PNLDC1: variants seen among roughly 807,000 people sequenced by gnomAD.
PNLDC1 encodes the protein poly(A)-specific ribonuclease PNLDC1.
A neutral mutation model predicts 82.0 loss-of-function variants in PNLDC1; 70 were observed. The ratio of observed to expected loss-of-function variants is 0.85; its 90% CI spans 0.70 to 1.04. The LOEUF is 1.04. Among genes scored for constraint, PNLDC1 ranks in the 50% least tolerant of loss-of-function variants. PNLDC1 has a pLI of 0.00. For missense variants in PNLDC1, 631 were observed against 661.1 expected (o/e 0.95, Z 0.50); for synonymous variants, 280 against 249.3 (o/e 1.12, Z -1.16).
chr6:159,802,759 T>A (rs1031692743), intron 3 of PNLDC1, among the ~76,000 whole-genome samples: 2 of 152,104 alleles, frequency 1.3e-5, no homozygotes, highest in African/African-American at 4.8e-5. Context: ...ATTTTTGTAT[T>A]TTTAGTAGAG....
chr6:159,800,872 G>T, intron 2 of PNLDC1, 43 bp downstream of exon 2: 1 of 1,613,242 alleles, frequency 6.2e-7, no homozygotes, highest in Non-Finnish European at 8.5e-7. Flanking sequence ...AGCCTGGCCA[G>T]ACCAGCACTG....
At chr6:159,799,898 C>A (rs931846429), upstream of PNLDC1, among the ~76,000 whole-genome samples, 2 of 152,168 alleles carry the variant, frequency 1.3e-5, no homozygotes, top group Non-Finnish European at 2.9e-5. Flanking sequence ...CCGTGAGCCG[C>A]AGCAAAGGAT....
intron 3 of PNLDC1, among the ~76,000 whole-genome samples, chr6:159,802,150 C>T (rs545423794): frequency 2.0e-5 from 3 of 152,342 alleles, no homozygotes; most frequent in Admixed American, 2.0e-4. Context: ...TCTTTTACAG[C>T]TACTCAATCC....
intron 11 of PNLDC1, among the ~76,000 whole-genome samples, chr6:159,812,312 C>G (rs1179244810): frequency 6.6e-6 from 1 of 152,164 alleles, no homozygotes; most frequent in African/African-American, 2.4e-5. Flanking sequence ...TTATATATGA[C>G]TTATTCCCTT....
Position 159,808,768 on chromosome 6 carries a change from G to A in PNLDC1, c.591G>A (p.Val197=), listed in dbSNP as rs1781542125. ...TCCAGGCCTTTGAGGTCCAACTGGT[G>A]CTGAGGCAGGCCCTCCCCAACATCT... ...TGFQAFEVQL[V]LRQALPNIWT... is the part of the protein sequence containing the mutation. Residue 197 remains valine (V), a synonymous_variant, in exon 8 of 19, where the codon GTG becomes GTA. Transcript: ENST00000392167. The A allele has an allele frequency of 6.2e-7, 1 of 1,614,012 alleles. No homozygotes were observed. Among genetic ancestry groups the A allele is most frequent in the Non-Finnish European group, 8.5e-7 (1 of 1,179,974 alleles).
Position 159,804,605 on chromosome 6 carries a change from C to T in PNLDC1, c.429C>T (p.His143=), listed in dbSNP as rs150542406. ...AAGAACAGGAGAAGAAAATTAGACACGATATCCTGACTGGGAACTGGAGAG... is the reference window on the plus strand; with the variant it reads ...AAGAACAGGAGAAGAAAATTAGACATGATATCCTGACTGGGAACTGGAGAG... The part of the protein sequence containing the change: ...MNEEQEKKIR[H]DILTGNWRVR... Residue 143 remains histidine (H), a synonymous_variant, in exon 6 of 19, where the codon CAC becomes CAT. Transcript: ENST00000392167. 18 of 1,611,040 alleles carry T rather than the reference C, an allele frequency of 1.1e-5. No homozygotes were observed. Among genetic ancestry groups the T allele is most frequent in the South Asian group, 5.5e-5 (5 of 90,980 alleles).
At position 159,815,962 on chromosome 6, in the gene PNLDC1, C is replaced by T; in HGVS notation, c.996-7C>T. Reference sequence around the variant, plus strand: ...TTGTTTTTTATTCTATTTTTCTTTTCCAATAGTGACTTGAATCCCACCAAG... The same window carrying T: ...TTGTTTTTTATTCTATTTTTCTTTTTCAATAGTGACTTGAATCCCACCAAG... On this transcript the variant is annotated splice_region_variant and splice_polypyrimidine_tract_variant and intron_variant, in intron 12 of 18. Transcript: ENST00000392167. 1.2e-6 allele frequency: 2 copies of T among 1,610,896 alleles called. No individual in the cohort carries two copies. Among genetic ancestry groups the T allele is most frequent in the Non-Finnish European group, 1.7e-6 (2 of 1,177,838 alleles).
Position 159,805,654 on chromosome 6 carries a change from C to A in PNLDC1, c.462-329C>A, listed in dbSNP as rs987948711. ...ATTATCCCAGATAGAGACTTTATCA[C>A]CCCTGAAAGCTGAATAAAGAAGACG... On this transcript the variant is annotated intron_variant, in intron 6 of 18. Transcript: ENST00000392167. 20 of 235,010 alleles carry A rather than the reference C, an allele frequency of 8.5e-5. No individual in the cohort carries two copies. In the Admixed American group the frequency reaches 9.1e-4, roughly 11 times the overall value. The allele number at this position is 235,010 out of a possible 1,614,324, so 14.6% of individuals were successfully genotyped here. A position where few individuals can be genotyped will look rare whatever the true frequency, so the allele number is the denominator to read the frequency against.
At chr6:159,818,802 C>A in intron 16 of PNLDC1, 144 bp from the exon 17 acceptor site, 2 of 1,214,444 alleles carry the variant, frequency 1.6e-6, no homozygotes, top group Non-Finnish European at 2.3e-6. Flanking sequence ...TGTTTCTCCA[C>A]TAAAGCCAAC....
chr6:159,800,169 AAGCTGGGCACGTGGGGCGGAGGC>A, upstream of PNLDC1: 1 of 714,564 alleles, frequency 1.4e-6, no homozygotes, highest in Non-Finnish European at 2.2e-6. Flanking sequence ...GCACACGGGG[AAGCTGGGCACGTGGGGCGGAGGC>A]AGCTGCCTGG....
intron 1 of PNLDC1, 83 bp from the exon 2 acceptor site, chr6:159,800,689 C>G: frequency 6.2e-7 from 1 of 1,614,040 alleles, no homozygotes; most frequent in Non-Finnish European, 8.5e-7. Context: ...GCGCGGGTGC[C>G]TTGGCCGCCT....
At chr6:159,818,148 CAG>C (rs1439520778) in intron 15 of PNLDC1, among the ~76,000 whole-genome samples, 1 of 152,198 alleles carries the variant, frequency 6.6e-6, no homozygotes, top group Admixed American at 6.5e-5. Flanking sequence ...GCTCCCTGGA[CAG>C]AGGGGGCACT....
At chr6:159,817,590 A>AT in intron 15 of PNLDC1, among the ~76,000 whole-genome samples, 1 of 152,180 alleles carries the variant, frequency 6.6e-6, no homozygotes. Flanking sequence ...CTAGGGAGAG[A>AT]TTAGTGGAAC....
intron 10 of PNLDC1, among the ~76,000 whole-genome samples, chr6:159,810,501 ATGT>A (rs1781611468): frequency 6.6e-6 from 1 of 152,104 alleles, no homozygotes; most frequent in East Asian, 1.9e-4. Context: ...GCATTATTTT[ATGT>A]TGTTAAAAAC....
At chr6:159,804,769 GT>G in intron 6 of PNLDC1, 132 bp downstream of exon 6, 1 of 638,272 alleles carries the variant, frequency 1.6e-6, no homozygotes, top group Non-Finnish European at 2.7e-6. Context: ...TCAGCTGCCT[GT>G]GCAGCTGGCG....
intron 11 of PNLDC1, among the ~76,000 whole-genome samples, 190 bp downstream of exon 11, chr6:159,811,976 T>A (rs1781662484): frequency 6.6e-6 from 1 of 152,152 alleles, no homozygotes; most frequent in African/African-American, 2.4e-5. Context: ...CTCAGCTCAC[T>A]GCAACCTTTG....
chr6:159,816,985 C>T (rs1388610997), intron 14 of PNLDC1, 124 bp from the exon 15 acceptor site: 3 of 996,612 alleles, frequency 3.0e-6, no homozygotes, highest in East Asian at 2.4e-5. Context: ...TTTTTGTTGG[C>T]AGTATGCCCC....
Position 159,816,569 on chromosome 6 carries a change from G to A in PNLDC1, c.1087G>A (p.Ala363Thr), listed in dbSNP as rs537855368. ...TGAGACAAAGTGCCCCCACGAAGCC[G>A]CGTATGATGCCTTCCTCTGTGGGTC... The part of the protein sequence containing the change: ...YVETKCPHEA[A>T]YDAFLCGSVL... The change falls in exon 14 of 19, where the codon GCG (alanine) becomes ACG (threonine). Residue 363 changes from alanine (A) to threonine (T), a missense_variant. Transcript: ENST00000392167. 124 of 1,613,624 alleles carry A rather than the reference G, an allele frequency of 7.7e-5. No homozygotes were observed. Among genetic ancestry groups the A allele is most frequent in the African/African-American group, 9.3e-5 (7 of 74,928 alleles).
chr6:159,800,826 TC>T lies in PNLDC1; in HGVS notation c.132del (p.Ser45ValfsTer11), dbSNP rs1313708388. ...TCTAACCTGTCTGGGCCCCAGCAGA[TC>T]AGGTAAAACTAAAGCTGTGTCCCCT... The part of the protein sequence containing the change: ...LRSNLSGPQQ[I>X]SLFDLPSEWY... On this transcript the variant is annotated frameshift_variant and splice_region_variant, in exon 2 of 19. Transcript: ENST00000392167. LOFTEE classifies it high-confidence loss of function. The T allele has an allele frequency of 1.9e-6, 3 of 1,614,014 alleles. No individual in the cohort carries two copies. In the African/African-American group the frequency reaches 4.0e-5, roughly 22 times the overall value.
Sources: allele counts gnomAD v4.1 joint callset (sites outside exome capture counted in the v4.1 genomes callset), GRCh38; gene constraint gnomAD v4.1.1; transcripts MANE v1.5; gene names NCBI Gene and HGNC (gene_info 2026-07-23, HGNC 2026-07-21).